ITPR1: variants seen among roughly 807,000 people sequenced by gnomAD.
ITPR1 encodes the protein inositol 1,4,5-trisphosphate receptor type 1.
In ITPR1, 96 loss-of-function variants were observed where a neutral mutation model predicts 318.4. That is an observed-to-expected ratio of 0.30 (90% confidence interval 0.26 to 0.36). The LOEUF (loss-of-function observed/expected upper bound fraction) is 0.36, where lower values mean the gene tolerates loss of function less well. Among genes scored for constraint, ITPR1 ranks in the 10% least tolerant of loss-of-function variants. The probability of loss-of-function intolerance (pLI) is 1.00; values close to 1 mark genes in which losing one functional copy is unlikely to be tolerated. For synonymous variants in ITPR1, 1,312 were observed against 1,289.9 expected (o/e 1.02, Z -0.37); for missense variants, 2,440 against 3,460.2 (o/e 0.71, Z 7.40).
At chr3:4,778,593 T>A (rs2046625247) in intron 48 of ITPR1, among the ~76,000 whole-genome samples, 1 of 152,246 alleles carries the variant, frequency 6.6e-6, no homozygotes, top group African/African-American at 2.4e-5. Flanking sequence ...TAATTCCTTT[T>A]GACAAATTGT....
Position 4,806,107 on chromosome 3 carries a change from G to A in ITPR1, c.7112G>A (p.Cys2371Tyr). 6.2e-7 allele frequency: 1 copy of A among 1,613,278 alleles called. No individual in the cohort carries two copies. Among genetic ancestry groups the A allele is most frequent in the Non-Finnish European group, 8.5e-7 (1 of 1,179,410 alleles). Reference protein sequence around the residue: ...TLFLLGAFNVCNKIIFLMSFV... With the variant: ...TLFLLGAFNVYNKIIFLMSFV... ...TGTTCCTGTCATTGTTCTCAGGTAT[G>A]CAATAAAATCATCTTTCTAATGAGC... Residue 2371 changes from cysteine (C) to tyrosine (Y), a missense_variant, in exon 55 of 62, where the codon TGC (cysteine) becomes TAC (tyrosine). By Grantham distance (194) the Cys-to-Tyr change is radical. Coordinates refer to ENST00000649015, the MANE Select transcript of ITPR1 (RefSeq NM_001378452.1).
intron 29 of ITPR1, 146 bp from the exon 30 acceptor site, chr3:4,684,923 C>G: frequency 1.4e-6 from 1 of 722,220 alleles, no homozygotes; most frequent in Non-Finnish European, 2.3e-6. Context: ...ATGGAGTCAA[C>G]AGAAATGCCA....
At chr3:4,801,726 T>C (rs187341342) in intron 54 of ITPR1, among the ~76,000 whole-genome samples, 2 of 152,142 alleles carry the variant, frequency 1.3e-5, no homozygotes, top group Admixed American at 6.5e-5. Context: ...ATGGCACCAC[T>C]GCACTCCAGC....
intron 16 of ITPR1, among the ~76,000 whole-genome samples, chr3:4,664,905 C>G (rs1285627911): frequency 6.6e-6 from 1 of 152,160 alleles, no homozygotes; most frequent in Non-Finnish European, 1.5e-5. Flanking sequence ...ACGCTTTGCT[C>G]TAAGCACTGT....
chr3:4,836,735 C>CTTTTTTTT lies in ITPR1; in HGVS notation c.8029-22_8029-15dup, dbSNP rs201029025. On this transcript the variant is annotated intron_variant, in intron 60 of 61. Transcript: ENST00000649015. The stretch of plus-strand genomic sequence containing the variant: ...TTTTTACCTCTAGAAGTGACTCAGT[C>CTTTTTTTT]TTTTTTTTTTTTTTTTTTTTTTTTA... The CTTTTTTTT allele has an allele frequency of 8.4e-6, 9 of 1,070,444 alleles. No homozygotes were observed. The African/African-American group carries it at 9.4e-5, about 11-fold the overall frequency. The allele number at this position is 1,070,444 out of a possible 1,614,324, so 66.3% of individuals were successfully genotyped here.
intron 2 of ITPR1, among the ~76,000 whole-genome samples, chr3:4,497,602 G>C (rs981237747): frequency 6.6e-6 from 1 of 152,216 alleles, no homozygotes; most frequent in South Asian, 2.1e-4. Context: ...CTTGTGCATT[G>C]CCGGTGGGAA....
chr3:4,729,061 G>A (rs1047038280), intron 42 of ITPR1, among the ~76,000 whole-genome samples: 2 of 152,140 alleles, frequency 1.3e-5, no homozygotes, highest in African/African-American at 4.8e-5. Context: ...TAGGTCCTAG[G>A]AGTAGCTGAT....
chr3:4,590,726 T>A (rs868217641), intron 4 of ITPR1, among the ~76,000 whole-genome samples: 9 of 152,156 alleles, frequency 5.9e-5, no homozygotes, highest in African/African-American at 9.6e-5. Context: ...TGTCTTTTTT[T>A]TAAATTTTAG....
chr3:4,644,972 CTGT>C (rs1374190641), intron 8 of ITPR1, among the ~76,000 whole-genome samples: 2 of 152,230 alleles, frequency 1.3e-5, no homozygotes, highest in African/African-American at 4.8e-5. Flanking sequence ...ACAATGGCTG[CTGT>C]TGTTAACAAT....
At chr3:4,502,406 A>G (rs935548927) in intron 2 of ITPR1, among the ~76,000 whole-genome samples, 27 of 151,508 alleles carry the variant, frequency 1.8e-4, no homozygotes, top group Non-Finnish European at 2.9e-4. Flanking sequence ...TCTCCCTTTG[A>G]AGGCTGCTTG....
intron 4 of ITPR1, among the ~76,000 whole-genome samples, chr3:4,545,035 A>G (rs925278280): frequency 2.0e-5 from 3 of 151,998 alleles, no homozygotes; most frequent in African/African-American, 4.8e-5. Flanking sequence ...GGCTCTAGCA[A>G]TCCTTCCGCC....
At chr3:4,675,548 T>C (rs2125218482) in intron 23 of ITPR1, among the ~76,000 whole-genome samples, 1 of 152,386 alleles carries the variant, frequency 6.6e-6, no homozygotes, top group Non-Finnish European at 1.5e-5. Flanking sequence ...GTCGTGTGTA[T>C]ATTTTGTTGA....
intron 40 of ITPR1, 68 bp downstream of exon 40, chr3:4,717,467 GCCCTGTGATCCTTC>G (rs772671429): frequency 3.4e-4 from 426 of 1,261,184 alleles, no homozygotes; most frequent in Non-Finnish European, 4.6e-4. Flanking sequence ...TTCCCAGTTA[GCCCTGTGATCCTTC>G]CTCTAGTCTC....
chr3:4,803,248 C>T (rs1390176476), intron 54 of ITPR1, among the ~76,000 whole-genome samples: 1 of 152,204 alleles, frequency 6.6e-6, no homozygotes, highest in Non-Finnish European at 1.5e-5. Flanking sequence ...GGCCCCACCT[C>T]TGACACTGGA....
chr3:4,844,816 A>G (rs1310918203), intron 61 of ITPR1, among the ~76,000 whole-genome samples: 4 of 152,260 alleles, frequency 2.6e-5, no homozygotes, highest in African/African-American at 9.6e-5. Flanking sequence ...CATCTAAATT[A>G]TAACAGAGAA....
intron 37 of ITPR1, 89 bp downstream of exon 37, chr3:4,706,440 T>A: frequency 1.7e-6 from 2 of 1,195,030 alleles, no homozygotes; most frequent in Non-Finnish European, 2.3e-6. Flanking sequence ...ACAGAGCATC[T>A]AAGCTGGGCC....
chr3:4,502,224 C>T (rs1029582685), intron 2 of ITPR1, among the ~76,000 whole-genome samples: 5 of 152,252 alleles, frequency 3.3e-5, no homozygotes, highest in Non-Finnish European at 7.4e-5. Flanking sequence ...AGGGCCCAGC[C>T]CAAACGCTTC....
intron 22 of ITPR1, 150 bp downstream of exon 22, chr3:4,674,493 A>C: frequency 1.5e-6 from 1 of 652,014 alleles, no homozygotes; most frequent in Non-Finnish European, 2.5e-6. Context: ...GTTTTGTTCC[A>C]GAATAAAATA....
intron 43 of ITPR1, 83 bp from the exon 44 acceptor site, chr3:4,735,081 T>C: frequency 9.6e-7 from 1 of 1,046,856 alleles, no homozygotes; most frequent in East Asian, 2.4e-5. Flanking sequence ...ATTTAGTGCA[T>C]AAAGTGTTGG....
Sources: allele counts gnomAD v4.1 joint callset (sites outside exome capture counted in the v4.1 genomes callset), GRCh38; gene constraint gnomAD v4.1.1; transcripts MANE v1.5; gene names NCBI Gene and HGNC (gene_info 2026-07-23, HGNC 2026-07-21).